The following CPVL variants were observed in gnomAD, a reference collection of about 807,000 sequenced individuals.
The protein encoded by CPVL is probable serine carboxypeptidase CPVL.
CPVL carries 51 observed loss-of-function variants against 63.7 expected under a neutral mutation model. The ratio of observed to expected loss-of-function variants is 0.80; its 90% CI spans 0.64 to 1.01. The LOEUF is 1.01. Ranked by LOEUF, CPVL falls within the 50% of genes least tolerant of loss-of-function variation. The pLI, the probability that CPVL is intolerant of heterozygous loss-of-function variation, is 0.00. For synonymous variants in CPVL, 195 were observed against 206.0 expected (o/e 0.95, Z 0.46); for missense variants, 530 against 573.1 (o/e 0.92, Z 0.77).
intron 1 of CPVL, among the ~76,000 whole-genome samples, chr7:29,125,919 G>A (rs756806762): frequency 6.6e-5 from 10 of 152,148 alleles, no homozygotes; most frequent in Non-Finnish European, 1.5e-4. Flanking sequence ...TGACTCATCC[G>A]AGGACCTTGG....
chr7:29,135,472 C>A (rs919872187), intron 1 of CPVL, among the ~76,000 whole-genome samples: 1 of 151,814 alleles, frequency 6.6e-6, no homozygotes, highest in Admixed American at 6.6e-5. Flanking sequence ...GCTGGGATTA[C>A]AGGTGCACGC....
intron 7 of CPVL, among the ~76,000 whole-genome samples, chr7:29,077,612 A>G (rs1395100829): frequency 1.3e-5 from 2 of 152,218 alleles, no homozygotes; most frequent in Non-Finnish European, 2.9e-5. Context: ...CCTTCTTTGA[A>G]GAATTCACTA....
chr7:29,008,605 T>C (rs1007301363), intron 12 of CPVL, among the ~76,000 whole-genome samples: 5 of 152,210 alleles, frequency 3.3e-5, no homozygotes, highest in African/African-American at 4.8e-5. Flanking sequence ...CACAAAATGC[T>C]CACTAGTTTT....
chr7:29,153,953 A>C (rs1460599841), intron 5 of CPVL, among the ~76,000 whole-genome samples: 3 of 152,180 alleles, frequency 2.0e-5, no homozygotes, highest in Non-Finnish European at 4.4e-5. Context: ...TATAAAATAC[A>C]AAATATATTA....
chr7:29,088,826 T>C (rs1785475392), intron 6 of CPVL, among the ~76,000 whole-genome samples: 1 of 151,986 alleles, frequency 6.6e-6, no homozygotes, highest in African/African-American at 2.4e-5. Context: ...AATACAAAAA[T>C]TATCTGGGTG....
chr7:29,071,000 C>T (rs567051712), intron 9 of CPVL, among the ~76,000 whole-genome samples: 3 of 152,190 alleles, frequency 2.0e-5, no homozygotes, highest in Admixed American at 6.5e-5. Context: ...AAATTCAGAC[C>T]TTGCCTCATT....
chr7:29,117,833 T>C lies in CPVL; in HGVS notation c.169+3060A>G, dbSNP rs200745855. Among the ~76,000 whole-genome samples, 32 of 152,306 alleles carry C rather than the reference T, an allele frequency of 2.1e-4. No homozygotes were observed. In the East Asian group the frequency reaches 5.2e-3, roughly 25 times the overall value. ...TACCCAAATTTAAATTCCATACATA[T>C]TTATACATACCTATTATGTATAGGT... On this transcript the variant is annotated intron_variant, in intron 2 of 12. Transcript: ENST00000265394.
chr7:29,022,929 A>G (rs1787153500), intron 12 of CPVL, among the ~76,000 whole-genome samples: 1 of 152,242 alleles, frequency 6.6e-6, no homozygotes, highest in South Asian at 2.1e-4. Context: ...GAGCCCATGC[A>G]TTCCTTCCAG....
intron 1 of CPVL, among the ~76,000 whole-genome samples, chr7:29,134,192 C>T (rs1022368156): frequency 1.3e-5 from 2 of 152,172 alleles, no homozygotes; most frequent in African/African-American, 4.8e-5. Context: ...GGACTCTATA[C>T]CTTCATTCTT....
At chr7:29,166,898 C>T (rs1795994526) in intron 5 of CPVL, among the ~76,000 whole-genome samples, 2 of 152,122 alleles carry the variant, frequency 1.3e-5, no homozygotes, top group South Asian at 4.1e-4. Context: ...CTTTTAATGT[C>T]CTTGACTACT....
chr7:29,064,542 A>C (rs1367414034), intron 10 of CPVL, among the ~76,000 whole-genome samples: 6 of 152,190 alleles, frequency 3.9e-5, no homozygotes, highest in Admixed American at 1.3e-4. Flanking sequence ...CACTAGAGGC[A>C]AAGAGAGAGA....
intron 5 of CPVL, among the ~76,000 whole-genome samples, chr7:29,153,356 C>T (rs938714360): frequency 4.6e-5 from 7 of 152,240 alleles, no homozygotes; most frequent in Admixed American, 3.9e-4. Context: ...CACTTATACA[C>T]GGATTTTTTT....
chr7:29,189,336 A>G (rs1402858502), intron 1 of CPVL, among the ~76,000 whole-genome samples: 1 of 152,144 alleles, frequency 6.6e-6, no homozygotes, highest in East Asian at 1.9e-4. Flanking sequence ...GAGTGAATTA[A>G]TGAATGCTTG....
At chr7:29,083,471 G>A (rs1784932530) in intron 7 of CPVL, among the ~76,000 whole-genome samples, 1 of 152,194 alleles carries the variant, frequency 6.6e-6, no homozygotes, top group Admixed American at 6.5e-5. Flanking sequence ...GATAGGCATG[G>A]GATCCAAGTG....
chr7:29,096,599 T>C (rs575894998), intron 3 of CPVL: 1 of 238,630 alleles, frequency 4.2e-6, no homozygotes, highest in South Asian at 9.3e-5. Flanking sequence ...ACACACATAT[T>C]CCCAACAGAG....
intron 5 of CPVL, among the ~76,000 whole-genome samples, chr7:29,155,238 A>T (rs1317429923): frequency 1.3e-5 from 2 of 152,334 alleles, no homozygotes; most frequent in East Asian, 3.9e-4. Flanking sequence ...TTATTATCTA[A>T]ACTTGGGTTG....
At chr7:29,084,372 C>A (rs1028999457) in intron 7 of CPVL, among the ~76,000 whole-genome samples, 1 of 152,202 alleles carries the variant, frequency 6.6e-6, no homozygotes, top group Non-Finnish European at 1.5e-5. Flanking sequence ...AATTACCCCA[C>A]CACATCATTC....
rs189932624 is a variant in CPVL, at chr7:29,143,011, G to A, written c.-11+3418C>T. Among the ~76,000 whole-genome samples the A allele has an allele frequency of 2.1e-4, 32 of 151,946 alleles. No homozygotes were observed. The Middle Eastern group carries it at 0.01, about 48-fold the overall frequency. On this transcript the variant is annotated intron_variant, in intron 1 of 12. Coordinates refer to ENST00000265394, the MANE Select transcript of CPVL (RefSeq NM_031311.5). ...TTCCTAACACATCTCTCAGACTTCC[G>A]GTCCTTTTCCCTCCAATTTAGCCTA...
chr7:29,172,179 A>G (rs966516535), intron 5 of CPVL, among the ~76,000 whole-genome samples: 1 of 152,158 alleles, frequency 6.6e-6, no homozygotes, highest in Non-Finnish European at 1.5e-5. Context: ...GCAATGATTC[A>G]GTCCTTTAAT....
Sources: gnomAD v4.1 joint callset for allele counts (sites outside exome capture counted in the v4.1 genomes callset) on GRCh38, gnomAD v4.1.1 for gene constraint, MANE v1.5 for transcripts, NCBI Gene and HGNC (gene_info 2026-07-23, HGNC 2026-07-21) for gene names.